Variants in FAM186A observed in about 807,000 individuals in gnomAD.
The protein encoded by FAM186A is protein FAM186A.
In FAM186A, 163 loss-of-function variants were observed where a neutral mutation model predicts 216.8. That is an observed-to-expected ratio of 0.75 (90% CI 0.66 to 0.86). The LOEUF (loss-of-function observed/expected upper bound fraction) is 0.86. Ranked by LOEUF, FAM186A falls within the 40% of genes least tolerant of loss-of-function variation. The probability of loss-of-function intolerance (pLI) is 0.00; values close to 1 mark genes in which losing one functional copy is unlikely to be tolerated. For synonymous variants in FAM186A, 805 were observed against 1,025.3 expected, an observed-to-expected ratio of 0.79 and a Z score of 4.10; for missense variants, 2,184 against 2,746.2, an observed-to-expected ratio of 0.80 and a Z score of 4.58.
At chr12:50,371,560 T>A (rs926408842) in intron 1 of FAM186A, among the ~76,000 whole-genome samples, 1 of 152,198 alleles carries the variant, frequency 6.6e-6, no homozygotes, top group Non-Finnish European at 1.5e-5. Flanking sequence ...ACAAATACTT[T>A]ATGATTCCAC....
chr12:50,361,994 A>C (rs374227913), intron 2 of FAM186A, among the ~76,000 whole-genome samples: 1 of 151,444 alleles, frequency 6.6e-6, no homozygotes, highest in African/African-American at 2.4e-5. Context: ...GTTGTTTTGG[A>C]GACAGTCTCA....
Position 50,351,997 on chromosome 12 carries a change from C to G in FAM186A, c.4835G>C (p.Gly1612Ala), listed in dbSNP as rs1357749862. Residue 1612 changes from glycine (G) to alanine (A), a missense_variant, in exon 4 of 8, where the codon GGG becomes GCG. Gly to Ala is a moderately conservative substitution (Grantham distance 60, BLOSUM62 0). Coordinates refer to ENST00000327337, the MANE Select transcript of FAM186A (RefSeq NM_001145475.3). ...PLTPQQAQAQ[G>A]IPLTPQQAQA... The stretch of plus-strand genomic sequence containing the variant: ...GGCCTGCTGAGGGGTGAGAGGGATC[C>G]CCTGAGCCTGCGCCTGCTGAGGGGT... 4.7e-5 allele frequency: 72 copies of G among 1,524,748 alleles called. No homozygotes were observed. The highest frequency in any genetic ancestry group is 8.1e-5 in the Admixed American group (4 of 49,126). 94.5% of individuals were successfully genotyped at this position (1,524,748 alleles called of 1,614,324 possible). A position where few individuals can be genotyped will look rare whatever the true frequency, so the allele number is the denominator to read the frequency against.
chr12:50,392,783 TG>T (rs1346608778), intron 1 of FAM186A, among the ~76,000 whole-genome samples: 10 of 140,144 alleles, frequency 7.1e-5, no homozygotes, highest in African/African-American at 2.6e-4. Context: ...TTTTTTTTTT[TG>T]GTATTTTTAG....
In FAM186A at chr12:50,352,811, G is replaced by T; in HGVS notation, c.4021C>A (p.Pro1341Thr). The stretch of plus-strand genomic sequence containing the variant: ...ATCCCCAAGGCCTGGGCCTGCTGAG[G>T]GGTGAGAGTGATCTCCTGAGTCTGC... ...QAQTQEITLT[P>T]QQAQALGMPL... Residue 1341 changes from proline (P) to threonine (T), a missense_variant, in exon 4 of 8, where the codon CCT (proline) becomes ACT (threonine). Around this residue, in one of 7 missense-constraint regions of FAM186A, gnomAD observed 267 missense variants for 446.2 expected, o/e 0.60. Transcript: ENST00000327337. 3 of 1,548,794 alleles carry T rather than the reference G, an allele frequency of 1.9e-6. No homozygotes were observed. In the African/African-American group the frequency reaches 4.1e-5, roughly 21 times the overall value.
intron 1 of FAM186A, among the ~76,000 whole-genome samples, chr12:50,367,516 C>CAAAAAAAAAAAAA (rs35171998): frequency 1.1e-5 from 1 of 89,720 alleles, no homozygotes; most frequent in Non-Finnish European, 2.2e-5. Context: ...GACTCTGTCT[C>CAAAAAAAAAAAAA]AAAAAAAAAA....
At chr12:50,362,207 AG>A (rs1208139705) in intron 2 of FAM186A, among the ~76,000 whole-genome samples, 1 of 150,640 alleles carries the variant, frequency 6.6e-6, no homozygotes, top group Non-Finnish European at 1.5e-5. Context: ...TCCTGAGCTC[AG>A]GCAATCCACC....
Position 50,360,816 on chromosome 12 carries a change from T to C in FAM186A, c.523A>G (p.Ile175Val). Reference sequence around the variant, plus strand: ...AAAGATGTACTAAATCTGCTTAGTATCTTGACATTGTTCTCAATAGCTTTT... The same window carrying C: ...AAAGATGTACTAAATCTGCTTAGTACCTTGACATTGTTCTCAATAGCTTTT... ...TLKAIENNVK[I>V]LSRFSTSFLD... Residue 175 changes from isoleucine (I) to valine (V), a missense_variant, in exon 3 of 8, where the codon ATA becomes GTA. This residue lies in a region of FAM186A where 1,132 missense variants were observed against 1,263.4 expected (regional missense o/e 0.90). Transcript: ENST00000327337. 1 of 1,550,682 alleles carries C rather than the reference T, an allele frequency of 6.4e-7. No homozygotes were observed. Among genetic ancestry groups the C allele is most frequent in the Non-Finnish European group, 8.7e-7 (1 of 1,146,634 alleles).
chr12:50,370,252 C>T (rs1043738166), intron 1 of FAM186A, among the ~76,000 whole-genome samples: 8 of 151,136 alleles, frequency 5.3e-5, no homozygotes, highest in African/African-American at 1.5e-4. Context: ...TGCAGTGAGC[C>T]GAGATTGTGC....
intron 4 of FAM186A, among the ~76,000 whole-genome samples, chr12:50,349,299 C>A (rs963061082): frequency 6.6e-6 from 1 of 150,410 alleles, no homozygotes; most frequent in African/African-American, 2.4e-5. Context: ...GCAGTCTCAA[C>A]CTCCTGGGGC....
intron 1 of FAM186A, among the ~76,000 whole-genome samples, chr12:50,393,756 G>A (rs1243786069): frequency 6.6e-6 from 1 of 152,124 alleles, no homozygotes; most frequent in Non-Finnish European, 1.5e-5. Context: ...GGCTGAGGTG[G>A]GAGGATGGCT....
rs1445743540 is a variant in FAM186A at position 50,355,203 on chromosome 12, C to T, written c.1629G>A (p.Met543Ile). 6.4e-7 allele frequency: 1 copy of T among 1,551,584 alleles called. No homozygotes were observed. Among genetic ancestry groups the T allele is most frequent in the East Asian group, 2.4e-5 (1 of 40,936 alleles). The part of the protein sequence containing the change: ...QGGKSGTSMM[M>I]LEQFRKVKRE... ...GTTTGACCTTCCTAAATTGCTCCAA[C>T]ATCATCATACTTGTTCCACTTTTGC... The change falls in exon 4 of 8, where the codon ATG becomes ATA. Residue 543 changes from methionine to isoleucine, a missense_variant. Around this residue, in one of 7 missense-constraint regions of FAM186A, gnomAD observed 1,132 missense variants for 1,263.4 expected, o/e 0.90. Transcript: ENST00000327337.
chr12:50,356,776 A>G lies in FAM186A; in HGVS notation c.584-528T>C, dbSNP rs960897585. 5.9e-5 allele frequency among the ~76,000 whole-genome samples: 9 copies of G among 152,194 alleles called. No individual in the cohort carries two copies. The East Asian group carries it at 1.7e-3, about 29-fold the overall frequency. ...CACTTTGGGAGACCTGGGTGGGCAG[A>G]TGACCTGAGGTCAGGAATTCAAGAC... is the stretch of plus-strand genomic sequence containing the variant. On this transcript the variant is annotated intron_variant, in intron 3 of 7. Transcript: ENST00000327337.
intron 3 of FAM186A, among the ~76,000 whole-genome samples, chr12:50,357,692 G>T (rs936784817): frequency 2.6e-5 from 4 of 152,086 alleles, no homozygotes; most frequent in African/African-American, 9.7e-5. Flanking sequence ...AAAAACTACC[G>T]AACCTCAGTA....
chr12:50,349,488 C>G (rs1366477360), intron 4 of FAM186A, among the ~76,000 whole-genome samples: 2 of 151,902 alleles, frequency 1.3e-5, no homozygotes. Context: ...TGCACCTGTC[C>G]CATCCTTCTA....
chr12:50,388,550 C>T (rs1356397090), intron 1 of FAM186A, among the ~76,000 whole-genome samples: 2 of 148,410 alleles, frequency 1.3e-5, no homozygotes, highest in Admixed American at 6.8e-5. Context: ...ACCTGGGAGG[C>T]GGAGGTTGCG....
chr12:50,328,535 A>ACG (rs1187715163), intron 7 of FAM186A, among the ~76,000 whole-genome samples: 172 of 134,122 alleles, frequency 1.3e-3, no homozygotes, highest in African/African-American at 4.2e-3. Flanking sequence ...TTATTTTGAG[A>ACG]GAGTCTTTGT....
intron 4 of FAM186A, among the ~76,000 whole-genome samples, chr12:50,337,467 T>TC (rs1180211178): frequency 6.6e-6 from 1 of 150,698 alleles, no homozygotes; most frequent in Non-Finnish European, 1.5e-5. Flanking sequence ...CAATTTTTTT[T>TC]TTTTTTTTTT....
intron 1 of FAM186A, among the ~76,000 whole-genome samples, chr12:50,388,517 G>C (rs1278566389): frequency 2.6e-5 from 4 of 151,906 alleles, no homozygotes; most frequent in Admixed American, 2.0e-4. Flanking sequence ...TACTTAGGAG[G>C]CTGAGGCAGG....
intron 1 of FAM186A, among the ~76,000 whole-genome samples, chr12:50,396,059 G>A (rs755867868): frequency 3.9e-5 from 6 of 152,146 alleles, no homozygotes; most frequent in East Asian, 3.8e-4. Context: ...CACCATGCCC[G>A]GCTTGATTTA....
Sources: allele counts gnomAD v4.1 joint callset (sites outside exome capture counted in the v4.1 genomes callset), GRCh38; gene constraint gnomAD v4.1.1; regional missense constraint gnomAD v4.1.1; transcripts MANE v1.5; gene names NCBI Gene and HGNC (gene_info 2026-07-23, HGNC 2026-07-21).